ACOT12: variants seen among roughly 807,000 people sequenced by gnomAD.
The protein encoded by ACOT12 is acyl-CoA thioesterase 12, also known as acetyl-coenzyme A thioesterase.
Under a neutral mutation model 67.7 loss-of-function variants are expected in ACOT12, and 51 were observed. That is an observed-to-expected ratio of 0.75 (90% CI 0.60 to 0.95). The LOEUF (loss-of-function observed/expected upper bound fraction) is 0.95. ACOT12 is among the 40% of genes least tolerant of loss of function. ACOT12 has a pLI of 0.00. For synonymous variants in ACOT12, 251 were observed against 244.6 expected, an observed-to-expected ratio of 1.03 and a Z score of -0.24; for missense variants, 734 against 708.1, an observed-to-expected ratio of 1.04 and a Z score of -0.41.
intron 5 of ACOT12, among the ~76,000 whole-genome samples, chr5:81,351,553 G>A (rs184701208): frequency 1.1e-3 from 169 of 152,300 alleles, no homozygotes; most frequent in African/African-American, 3.9e-3. Context: ...ATACTCATAT[G>A]CAGAAGAATG....
At chr5:81,368,920 G>A (rs1209941541) in intron 3 of ACOT12, among the ~76,000 whole-genome samples, 1 of 151,204 alleles carries the variant, frequency 6.6e-6, no homozygotes, top group Non-Finnish European at 1.5e-5. Flanking sequence ...AAAAAAAAAA[G>A]GGTACTGACC....
chr5:81,383,341 G>A (rs1184147210), intron 2 of ACOT12, among the ~76,000 whole-genome samples: 3 of 152,186 alleles, frequency 2.0e-5, no homozygotes, highest in Admixed American at 1.3e-4. Flanking sequence ...CTGCACTCCA[G>A]CCTGGGTGAC....
At chr5:81,309,741 C>T in the ACOT12 span, among the ~76,000 whole-genome samples, 9 of 152,180 alleles carry the variant, frequency 5.9e-5, no homozygotes, top group East Asian at 1.2e-3. Context: ...CTTTGGCCAA[C>T]TACCAAACTC....
At chr5:81,308,644 A>G in the ACOT12 span, 1 of 1,613,786 alleles carries the variant, frequency 6.2e-7, no homozygotes, top group Non-Finnish European at 8.5e-7. Context: ...GCACTGGGAT[A>G]TGTTACAGGT....
At chr5:81,372,779 T>C (rs1350025666) in intron 2 of ACOT12, among the ~76,000 whole-genome samples, 2 of 152,238 alleles carry the variant, frequency 1.3e-5, no homozygotes, top group Non-Finnish European at 2.9e-5. Flanking sequence ...TAATGTTTAC[T>C]GAGTTAATTG....
chr5:81,356,840 C>T (rs777539172), intron 5 of ACOT12, among the ~76,000 whole-genome samples: 3 of 152,050 alleles, frequency 2.0e-5, no homozygotes, highest in Non-Finnish European at 2.9e-5. Context: ...GTTTAGGCAC[C>T]CCTCGCCTTT....
chr5:81,330,044 A>G lies in ACOT12; in HGVS notation c.*350T>C, dbSNP rs1758764711. On this transcript the variant is annotated 3_prime_UTR_variant, in exon 15 of 15. Transcript: ENST00000307624. Reference sequence around the variant, plus strand: ...TAATTTTTTTTTTGGAATTTCACACAGAATGCATGTTTCACCTCTGTAACC... The same window carrying G: ...TAATTTTTTTTTTGGAATTTCACACGGAATGCATGTTTCACCTCTGTAACC... 6.1e-6 allele frequency: 1 copy of G among 163,846 alleles called. No individual in the cohort carries two copies. Among genetic ancestry groups the G allele is most frequent in the African/African-American group, 2.4e-5 (1 of 41,892 alleles). 10.1% of individuals were successfully genotyped at this position (163,846 alleles called of 1,614,324 possible). A position where few individuals can be genotyped will look rare whatever the true frequency, so the allele number is the denominator to read the frequency against.
At chr5:81,366,980 G>T (rs1403854175) in intron 3 of ACOT12, among the ~76,000 whole-genome samples, 1 of 152,062 alleles carries the variant, frequency 6.6e-6, no homozygotes, top group African/African-American at 2.4e-5. Context: ...AAAGTTTGAA[G>T]ATATAATAGC....
In ACOT12 at chr5:81,335,749, T is replaced by A. The variant is rs1166784416; in HGVS notation, c.1262+19A>T. 1.2e-6 allele frequency: 2 copies of A among 1,601,220 alleles called. No homozygotes were observed. The highest frequency in any genetic ancestry group is 3.5e-5 in the Admixed American group (2 of 56,684). On this transcript the variant is annotated intron_variant, in intron 12 of 14. Transcript: ENST00000307624. ...TTATGTCAAGGTTGATTGAGAAAAA[T>A]TTTTAAATTTGTTCTTACACAAAAT...
chr5:81,339,848 C>G (rs1467424039), intron 11 of ACOT12, among the ~76,000 whole-genome samples: 1 of 152,090 alleles, frequency 6.6e-6, no homozygotes, highest in African/African-American at 2.4e-5. Flanking sequence ...ATACTACAAT[C>G]TTAAATTTTT....
At chr5:81,327,720 C>G (rs1313738990), downstream of ACOT12, among the ~76,000 whole-genome samples, 1 of 152,214 alleles carries the variant, frequency 6.6e-6, no homozygotes, top group Non-Finnish European at 1.5e-5. Context: ...GGATTACAGG[C>G]GTGAGCCACC....
chr5:81,346,087 A>G (rs1219001301), intron 6 of ACOT12, 83 bp from the exon 7 acceptor site: 6 of 1,562,196 alleles, frequency 3.8e-6, no homozygotes, highest in Non-Finnish European at 5.2e-6. Context: ...TCTTCAAATA[A>G]GCATTTCTTT....
intron 10 of ACOT12, 77 bp downstream of exon 10, chr5:81,343,741 G>T: frequency 1.4e-6 from 2 of 1,448,092 alleles, no homozygotes; most frequent in African/African-American, 1.4e-5. Context: ...CACAGCCTAG[G>T]CCAGTTAGGC....
intron 4 of ACOT12, among the ~76,000 whole-genome samples, chr5:81,363,302 C>T (rs988016636): frequency 3.3e-5 from 5 of 152,208 alleles, no homozygotes; most frequent in Admixed American, 1.3e-4. Flanking sequence ...TTTCACCCCA[C>T]ATGCCCAGAA....
intron 2 of ACOT12, among the ~76,000 whole-genome samples, chr5:81,375,765 G>C (rs1760392264): frequency 6.6e-6 from 1 of 152,104 alleles, no homozygotes; most frequent in East Asian, 1.9e-4. Flanking sequence ...ACTGGTAAAG[G>C]GATCAATTCA....
intron 2 of ACOT12, among the ~76,000 whole-genome samples, chr5:81,376,057 T>G (rs1316659178): frequency 1.3e-5 from 2 of 151,918 alleles, no homozygotes; most frequent in Non-Finnish European, 2.9e-5. Flanking sequence ...CACCACAAAG[T>G]GCTTATTCTA....
intron 4 of ACOT12, among the ~76,000 whole-genome samples, chr5:81,362,426 A>G (rs1759942690): frequency 1.3e-5 from 2 of 152,118 alleles, no homozygotes; most frequent in African/African-American, 4.8e-5. Context: ...TCAGCCTCCC[A>G]AATTGCTGGG....
the ACOT12 span, chr5:81,313,440 T>C: frequency 6.6e-6 from 1 of 152,232 alleles, no homozygotes; most frequent in Non-Finnish European, 1.5e-5. Context: ...AGATAACAGA[T>C]GGTATAATAA....
At chr5:81,341,946 G>A (rs1173319589) in intron 11 of ACOT12, among the ~76,000 whole-genome samples, 1 of 152,166 alleles carries the variant, frequency 6.6e-6, no homozygotes. Flanking sequence ...GGTAGCTGTG[G>A]AAGAAATGTC....
Sources: allele counts gnomAD v4.1 joint callset (sites outside exome capture counted in the v4.1 genomes callset), GRCh38; gene constraint gnomAD v4.1.1; transcripts MANE v1.5; gene names NCBI Gene and HGNC (gene_info 2026-07-23, HGNC 2026-07-21).